The following LGI1 variants were observed in gnomAD, a reference collection of about 807,000 sequenced individuals.
LGI1 encodes leucine-rich glioma-inactivated protein 1.
In LGI1, 11 loss-of-function variants were observed where a neutral mutation model predicts 57.7. That is an observed-to-expected ratio of 0.19 (90% confidence interval 0.12 to 0.32). The LOEUF (loss-of-function observed/expected upper bound fraction) is 0.32. Among genes scored for constraint, LGI1 ranks in the 10% least tolerant of loss-of-function variants. The pLI is 1.00. For missense variants in LGI1, 422 were observed against 661.9 expected (o/e 0.64, Z 3.98); for synonymous variants, 222 against 241.9 (o/e 0.92, Z 0.76).
chr10:93,778,589 G>A (rs917328093), intron 4 of LGI1, among the ~76,000 whole-genome samples: 3 of 152,164 alleles, frequency 2.0e-5, no homozygotes, highest in South Asian at 2.1e-4. Context: ...TATATGCCTC[G>A]TGAGCTGATT....
At chr10:93,780,956 G>A (rs1316811941) in intron 4 of LGI1, among the ~76,000 whole-genome samples, 1 of 152,136 alleles carries the variant, frequency 6.6e-6, no homozygotes, top group Non-Finnish European at 1.5e-5. Context: ...TCCCTTACCT[G>A]CGCCTTTATA....
chr10:93,773,172 T>C (rs1160397861), intron 2 of LGI1, among the ~76,000 whole-genome samples: 1 of 152,140 alleles, frequency 6.6e-6, no homozygotes, highest in African/African-American at 2.4e-5. Context: ...ATTGATATTA[T>C]CTGGATGTGA....
At chr10:93,793,090 A>T in intron 6 of LGI1, 96 bp from the exon 7 acceptor site, 1 of 1,219,308 alleles carries the variant, frequency 8.2e-7, no homozygotes, top group Non-Finnish European at 1.2e-6. Flanking sequence ...CCATTTTACT[A>T]TTCTCTGAAA....
chr10:93,788,001 T>G (rs1417531980), intron 4 of LGI1, among the ~76,000 whole-genome samples: 1 of 152,192 alleles, frequency 6.6e-6, no homozygotes, highest in Non-Finnish European at 1.5e-5. Flanking sequence ...AATTCAGGAT[T>G]TGACTGCTTA....
chr10:93,761,592 A>G (rs1458352251), intron 2 of LGI1, among the ~76,000 whole-genome samples: 1 of 152,214 alleles, frequency 6.6e-6, no homozygotes, highest in Non-Finnish European at 1.5e-5. Context: ...AGGAAAATAG[A>G]CATGGTATCT....
chr10:93,797,988 C>A lies in LGI1; in HGVS notation c.*185C>A. 1 of 622,756 alleles carries A rather than the reference C, an allele frequency of 1.6e-6. No homozygotes were observed. The highest frequency in any genetic ancestry group is 2.9e-6 in the Non-Finnish European group (1 of 348,880). 38.6% of individuals were successfully genotyped at this position (622,756 alleles called of 1,614,324 possible). A position where few individuals can be genotyped will look rare whatever the true frequency, so the allele number is the denominator to read the frequency against. ...CCAGTCCAGTGATGTGGGAAGTTACCTTTTATAAGACAAAATTTAATTGTG... is the reference window on the plus strand; with the variant it reads ...CCAGTCCAGTGATGTGGGAAGTTACATTTTATAAGACAAAATTTAATTGTG... On this transcript the variant is annotated 3_prime_UTR_variant, in exon 8 of 8. Coordinates refer to ENST00000371418, the MANE Select transcript of LGI1 (RefSeq NM_005097.4). The surrounding 1 kb of genome is among the most constrained non-coding windows in gnomAD (Gnocchi z 6.5).
rs778819952 is a variant in LGI1 at position 93,797,112 on chromosome 10, A to G, written c.983A>G (p.Lys328Arg). The change falls in exon 8 of 8, where the codon AAA becomes AGA. Residue 328 changes from lysine to arginine, a missense_variant. Lys to Arg is a conservative substitution (Grantham distance 26, BLOSUM62 2). Around this residue, in one of 3 missense-constraint regions of LGI1, gnomAD observed 301 missense variants for 461.7 expected, o/e 0.65. Coordinates refer to ENST00000371418, the MANE Select transcript of LGI1 (RefSeq NM_005097.4). This position sits in a 1 kb window ranked among gnomAD's most constrained non-coding sequence, Gnocchi z 6.5. ...AAAATCCAGGATATTGAAATTCTCA[A>G]AATCCGAAAACCCAATGACATTGAA... ...FIKIQDIEIL[K>R]IRKPNDIETF... 24 of 1,613,686 alleles carry G rather than the reference A, an allele frequency of 1.5e-5. No homozygotes were observed. The highest frequency in any genetic ancestry group is 1.9e-5 in the Non-Finnish European group (23 of 1,179,764).
At chr10:93,794,113 G>A (rs374568206) in intron 7 of LGI1, 64 of 149,610 alleles carry the variant, frequency 4.3e-4, no homozygotes, top group African/African-American at 1.6e-3. Flanking sequence ...CCAACTCCCG[G>A]GTTCAAGCAA....
chr10:93,758,198 A>T lies in LGI1; in HGVS notation c.54A>T (p.Arg18Ser). ...GAAATGCCTGCATTCCCCTGAAAAG[A>T]ATTGCTTATTTCCTATGTCTCTTAT... ...RMGNACIPLK[R>S]IAYFLCLLSA... Residue 18 changes from arginine to serine, a missense_variant, in exon 1 of 8, where the codon AGA becomes AGT. Arg to Ser is a moderately radical substitution (Grantham distance 110). This residue lies in a region of LGI1 where 58 missense variants were observed against 61.8 expected (regional missense o/e 0.94). Transcript: ENST00000371418. The surrounding 1 kb of genome is among the most constrained non-coding windows in gnomAD (Gnocchi z 4.7). 1.2e-6 allele frequency: 2 copies of T among 1,614,188 alleles called. No homozygotes were observed. The highest frequency in any genetic ancestry group is 1.7e-6 in the Non-Finnish European group (2 of 1,180,026).
chr10:93,761,392 G>A (rs1340891858), intron 2 of LGI1, among the ~76,000 whole-genome samples: 1 of 152,146 alleles, frequency 6.6e-6, no homozygotes, highest in African/African-American at 2.4e-5. Context: ...GAATCAATTC[G>A]GCTTGATTGA....
chr10:93,761,698 G>C (rs945671771), intron 2 of LGI1, among the ~76,000 whole-genome samples: 9 of 152,168 alleles, frequency 5.9e-5, no homozygotes, highest in African/African-American at 2.2e-4. Flanking sequence ...ATTCCGTAGA[G>C]AAGAGAGAGA....
chr10:93,769,037 C>T (rs1450242023), intron 2 of LGI1: 1 of 152,172 alleles, frequency 6.6e-6, no homozygotes, highest in Non-Finnish European at 1.5e-5. Flanking sequence ...GTGTTAGGAG[C>T]ATATTTTTAA....
chr10:93,781,116 T>C (rs1056916035), intron 4 of LGI1, among the ~76,000 whole-genome samples: 5 of 151,778 alleles, frequency 3.3e-5, no homozygotes, highest in African/African-American at 1.2e-4. Flanking sequence ...CCCAGCACTT[T>C]GGGAAGCCAA....
At chr10:93,778,334 GACAA>G (rs757567907) in intron 4 of LGI1, among the ~76,000 whole-genome samples, 1 of 140,300 alleles carries the variant, frequency 7.1e-6, no homozygotes, top group Non-Finnish European at 1.5e-5. Context: ...ACCCTCTACA[GACAA>G]ACACATTCAC....
chr10:93,760,876 C>A (rs1350570485), intron 2 of LGI1, among the ~76,000 whole-genome samples: 1 of 152,134 alleles, frequency 6.6e-6, no homozygotes, highest in Non-Finnish European at 1.5e-5. Context: ...GCGAGTAATT[C>A]TCTCCCAGTG....
chr10:93,793,422 G>A, intron 7 of LGI1, 72 bp downstream of exon 7: 1 of 1,275,928 alleles, frequency 7.8e-7, no homozygotes, highest in Non-Finnish European at 1.1e-6. Flanking sequence ...GGAAAGATGA[G>A]TGGTATAGGG....
At chr10:93,764,819 T>C (rs886834340) in intron 2 of LGI1, 4 of 152,216 alleles carry the variant, frequency 2.6e-5, no homozygotes, top group Non-Finnish European at 5.9e-5. Flanking sequence ...AAAATCACTT[T>C]AATTGGAACT....
intron 7 of LGI1, among the ~76,000 whole-genome samples, chr10:93,793,589 T>C (rs1241372039): frequency 6.6e-6 from 1 of 152,192 alleles, no homozygotes; most frequent in Non-Finnish European, 1.5e-5. Context: ...TCAAGAAACT[T>C]AGCATAGGGT....
intron 2 of LGI1, 50 bp from the exon 3 acceptor site, chr10:93,777,329 T>G: frequency 6.5e-7 from 1 of 1,537,560 alleles, no homozygotes; most frequent in Non-Finnish European, 9.0e-7. Flanking sequence ...GCAGCCAAGA[T>G]TGACAATCTG....
Sources: gnomAD v4.1 joint callset for allele counts (sites outside exome capture counted in the v4.1 genomes callset) on GRCh38, gnomAD v4.1.1 for gene constraint, gnomAD v4.1.1 regional missense constraint, Gnocchi (gnomAD v3.1) non-coding constraint, MANE v1.5 for transcripts, NCBI Gene and HGNC (gene_info 2026-07-23, HGNC 2026-07-21) for gene names.